Variants in CHN2 observed in about 807,000 individuals in gnomAD.
CHN2 encodes the protein chimerin 2, also known as beta-chimaerin.
Under a neutral mutation model 56.3 loss-of-function variants are expected in CHN2, and 35 were observed. That is an observed-to-expected ratio of 0.62 (90% CI 0.47 to 0.82). The LOEUF is 0.82. CHN2 is among the 40% of genes least tolerant of loss of function. The pLI is 0.00. For synonymous variants in CHN2, 210 were observed against 212.8 expected, an observed-to-expected ratio of 0.99 and a Z score of 0.12; for missense variants, 491 against 580.5, an observed-to-expected ratio of 0.85 and a Z score of 1.58.
At chr7:29,320,294 G>A (rs1187494690) in intron 1 of CHN2, among the ~76,000 whole-genome samples, 1 of 152,106 alleles carries the variant, frequency 6.6e-6, no homozygotes, top group African/African-American at 2.4e-5. Context: ...ACCAAACTGT[G>A]GCTTCTAATT....
At chr7:29,383,644 T>C (rs1800696996) in intron 3 of CHN2, among the ~76,000 whole-genome samples, 1 of 152,184 alleles carries the variant, frequency 6.6e-6, no homozygotes, top group South Asian at 2.1e-4. Context: ...ATATATAGTA[T>C]ATCAGATGAT....
intron 6 of CHN2, among the ~76,000 whole-genome samples, chr7:29,421,386 A>T (rs555289884): frequency 7.2e-5 from 11 of 152,118 alleles, no homozygotes; most frequent in Non-Finnish European, 1.5e-4. Context: ...CCTCAGGGAA[A>T]CGGCTCTGGA....
At chr7:29,338,138 G>T (rs1325533507) in intron 1 of CHN2, among the ~76,000 whole-genome samples, 1 of 152,186 alleles carries the variant, frequency 6.6e-6, no homozygotes, top group Admixed American at 6.5e-5. Flanking sequence ...TGACATAAAT[G>T]AGTTTGATTG....
chr7:29,251,851 A>G (rs1379024971), intron 1 of CHN2, among the ~76,000 whole-genome samples: 1 of 152,240 alleles, frequency 6.6e-6, no homozygotes, highest in Non-Finnish European at 1.5e-5. Flanking sequence ...AATTGAAGAT[A>G]GGGCTTGATG....
At chr7:29,362,049 A>G (rs990226020) in intron 2 of CHN2, among the ~76,000 whole-genome samples, 2 of 152,154 alleles carry the variant, frequency 1.3e-5, no homozygotes, top group Admixed American at 6.5e-5. Flanking sequence ...AAGAGCTTTA[A>G]AAAGAACAGA....
At chr7:29,256,469 A>G (rs1244549477) in intron 1 of CHN2, among the ~76,000 whole-genome samples, 1 of 152,230 alleles carries the variant, frequency 6.6e-6, no homozygotes, top group Non-Finnish European at 1.5e-5. Flanking sequence ...CACAAGTACA[A>G]TATTTTAACC....
chr7:29,462,680 A>G (rs1785249944), intron 6 of CHN2, among the ~76,000 whole-genome samples: 1 of 152,194 alleles, frequency 6.6e-6, no homozygotes, highest in African/African-American at 2.4e-5. Flanking sequence ...CTCCAATGCA[A>G]AGATGCCAGT....
chr7:29,301,888 C>G (rs1003471830), intron 1 of CHN2, among the ~76,000 whole-genome samples: 1 of 152,186 alleles, frequency 6.6e-6, no homozygotes, highest in African/African-American at 2.4e-5. Flanking sequence ...TATATTTCCA[C>G]TATCTTCATC....
intron 1 of CHN2, among the ~76,000 whole-genome samples, chr7:29,307,069 T>C (rs1027897975): frequency 1.3e-5 from 2 of 152,232 alleles, no homozygotes; most frequent in African/African-American, 4.8e-5. Context: ...TGCCTGGATA[T>C]ATCCTATCAG....
At chr7:29,317,061 C>A (rs1243973056) in intron 1 of CHN2, among the ~76,000 whole-genome samples, 1 of 152,128 alleles carries the variant, frequency 6.6e-6, no homozygotes, top group African/African-American at 2.4e-5. Context: ...TGATAAGTAA[C>A]ACATCTTGGT....
chr7:29,448,575 C>A (rs549046178), intron 6 of CHN2, among the ~76,000 whole-genome samples: 1 of 152,322 alleles, frequency 6.6e-6, no homozygotes, highest in African/African-American at 2.4e-5. Context: ...CCTCATAGAT[C>A]ACTACCCACT....
chr7:29,327,332 C>G (rs1795885837), intron 1 of CHN2, among the ~76,000 whole-genome samples: 1 of 152,176 alleles, frequency 6.6e-6, no homozygotes, highest in South Asian at 2.1e-4. Flanking sequence ...AGATAAGGCT[C>G]AGGAGTTTGT....
chr7:29,147,311 C>G (rs958539132), intron 2 of CHN2: 27 of 268,106 alleles, frequency 1.0e-4, no homozygotes, highest in Non-Finnish European at 1.9e-4. Flanking sequence ...CACGGGGAAT[C>G]TTCTGCACTG....
intron 7 of CHN2, among the ~76,000 whole-genome samples, chr7:29,489,832 G>T (rs1396468658): frequency 6.6e-6 from 1 of 152,126 alleles, no homozygotes; most frequent in African/African-American, 2.4e-5. Context: ...GTGATAATAA[G>T]CATTAAAATG....
intron 1 of CHN2, among the ~76,000 whole-genome samples, chr7:29,196,593 A>G (rs1783741324): frequency 6.6e-6 from 1 of 152,252 alleles, no homozygotes; most frequent in South Asian, 2.1e-4. Flanking sequence ...AAAACTGCCC[A>G]CTAGAAAATG....
chr7:29,172,639 TAACA>T (rs1796751844), intron 2 of CHN2, among the ~76,000 whole-genome samples: 1 of 152,234 alleles, frequency 6.6e-6, no homozygotes, highest in Non-Finnish European at 1.5e-5. Flanking sequence ...TCTTTGACAT[TAACA>T]GATTCCTTTT....
intron 1 of CHN2, among the ~76,000 whole-genome samples, chr7:29,344,661 A>G (rs566496954): frequency 1.3e-4 from 20 of 152,174 alleles, no homozygotes; most frequent in African/African-American, 3.9e-4. Context: ...TATCTGCTTG[A>G]CTGGGCTCCA....
At chr7:29,263,218 CG>C (rs1789718920) in intron 1 of CHN2, among the ~76,000 whole-genome samples, 1 of 152,180 alleles carries the variant, frequency 6.6e-6, no homozygotes, top group East Asian at 1.9e-4. Flanking sequence ...TTGGTGGAGA[CG>C]GGGTTTCGCC....
intron 6 of CHN2, among the ~76,000 whole-genome samples, chr7:29,457,324 C>A (rs889092912): frequency 6.6e-6 from 1 of 152,134 alleles, no homozygotes; most frequent in East Asian, 1.9e-4. Context: ...TGTGCTCCCG[C>A]TGAGTGATAA....
Sources: gnomAD v4.1 joint callset for allele counts (sites outside exome capture counted in the v4.1 genomes callset) on GRCh38, gnomAD v4.1.1 for gene constraint, MANE v1.5 for transcripts, NCBI Gene and HGNC (gene_info 2026-07-23, HGNC 2026-07-21) for gene names.